TRPC5: variants seen among roughly 807,000 people sequenced by gnomAD.
TRPC5 encodes transient receptor potential cation channel subfamily C member 5.
Under a neutral mutation model 56.5 loss-of-function variants are expected in TRPC5, and 9 were observed. The observed-to-expected ratio is 0.16, with a 90% confidence interval of 0.10 to 0.28. The LOEUF is 0.28. Ranked by LOEUF, TRPC5 falls within the 10% of genes least tolerant of loss-of-function variation. The probability of loss-of-function intolerance (pLI) is 1.00; values close to 1 mark genes in which losing one functional copy is unlikely to be tolerated. For missense variants in TRPC5, 469 were observed against 748.9 expected (o/e 0.63, Z 4.36); for synonymous variants, 282 against 278.5 (o/e 1.01, Z -0.13).
At chrX:111,875,930 C>T (rs1923924256) in intron 3 of TRPC5, 1 of 107,884 alleles carries the variant, frequency 9.3e-6, no homozygotes, top group South Asian at 4.1e-4. Context: ...ATGTGTGTTT[C>T]TGACTGGGAA....
chrX:112,037,395 T>C (rs756040642), intron 1 of TRPC5, among the ~76,000 whole-genome samples: 1 of 112,096 alleles, frequency 8.9e-6, no homozygotes, highest in Non-Finnish European at 1.9e-5. Flanking sequence ...CACCAAAGAT[T>C]GGCAAAAATA....
At chrX:111,837,845 A>G (rs1439181169) in intron 6 of TRPC5, among the ~76,000 whole-genome samples, 1 of 106,518 alleles carries the variant, frequency 9.4e-6, no homozygotes, top group African/African-American at 3.5e-5. Flanking sequence ...GCAATATTGG[A>G]AGGATTACTT....
intron 3 of TRPC5, among the ~76,000 whole-genome samples, chrX:111,905,652 C>T (rs187901953): frequency 1.5e-3 from 168 of 111,727 alleles, no homozygotes; most frequent in African/African-American, 4.5e-3. Context: ...CGGTGGCTCA[C>T]GCCTGTAATC....
chrX:111,934,667 T>G (rs997683760), intron 2 of TRPC5, among the ~76,000 whole-genome samples: 4 of 111,328 alleles, frequency 3.6e-5, no homozygotes, highest in African/African-American at 9.8e-5. Flanking sequence ...TCTATCTCCA[T>G]GAATTCAATC....
Position 111,847,101 on chromosome X carries a change from G to A in TRPC5, c.1700+13C>T. 8.5e-7 allele frequency: 1 copy of A among 1,180,572 alleles called. No individual in the cohort carries two copies. The highest frequency in any genetic ancestry group is 1.1e-6 in the Non-Finnish European group (1 of 881,133). ...AAAAAAATAAATAAATAAAGGAAAG[G>A]GGATCGTCTTACGTGGAGAAGGCAT... On this transcript the variant is annotated intron_variant, in intron 6 of 10. Transcript: ENST00000262839.
At chrX:111,827,799 A>T (rs1409831881) in intron 7 of TRPC5, among the ~76,000 whole-genome samples, 1 of 111,423 alleles carries the variant, frequency 9.0e-6, no homozygotes, top group Non-Finnish European at 1.9e-5. Flanking sequence ...AAGTTAGATC[A>T]TGTACCTCTT....
chrX:111,898,677 G>A (rs945143608), intron 3 of TRPC5, among the ~76,000 whole-genome samples: 1 of 110,157 alleles, frequency 9.1e-6, no homozygotes, highest in Admixed American at 9.7e-5. Context: ...TGTATGTGGG[G>A]GTAAGGTGAG....
intron 1 of TRPC5, among the ~76,000 whole-genome samples, chrX:111,991,420 A>G (rs1569529169): frequency 8.9e-6 from 1 of 112,029 alleles, no homozygotes; most frequent in East Asian, 2.8e-4. Context: ...TTTCTCTATC[A>G]TCCTATTTCA....
At chrX:111,992,336 T>C (rs1448560947) in intron 1 of TRPC5, among the ~76,000 whole-genome samples, 1 of 111,932 alleles carries the variant, frequency 8.9e-6, no homozygotes, top group African/African-American at 3.2e-5. Flanking sequence ...TTTAAATATT[T>C]TTACTGCATT....
At chrX:111,800,645 T>G (rs896056619) in intron 7 of TRPC5, among the ~76,000 whole-genome samples, 17 of 109,619 alleles carry the variant, frequency 1.6e-4, no homozygotes, top group Admixed American at 1.4e-3. Flanking sequence ...TCCCAGCTAC[T>G]AGGGAGGCTG....
intron 3 of TRPC5, among the ~76,000 whole-genome samples, chrX:111,882,983 G>A (rs1924298392): frequency 1.8e-5 from 2 of 110,058 alleles, no homozygotes; most frequent in South Asian, 7.8e-4. Flanking sequence ...CTACTCAGGA[G>A]GCTGAGGCAG....
intron 1 of TRPC5, among the ~76,000 whole-genome samples, chrX:112,023,246 G>GTT (rs1163231468): frequency 0.018 from 1,004 of 56,751 alleles, 30 homozygotes; most frequent in Non-Finnish European, 0.024. Flanking sequence ...TTTTTTTTTT[G>GTT]TTTTTTTTTT....
intron 1 of TRPC5, among the ~76,000 whole-genome samples, chrX:111,968,980 TAAAATAAAATAAAATAAA>T (rs1389755325): frequency 3.2e-5 from 2 of 61,563 alleles, no homozygotes; most frequent in African/African-American, 2.4e-4. Flanking sequence ...TATAATAAAA[TAAAATAAAATAAAATAAA>T]ATAAAATAAA....
At chrX:112,034,164 A>C (rs189370131) in intron 1 of TRPC5, among the ~76,000 whole-genome samples, 193 of 111,757 alleles carry the variant, frequency 1.7e-3, no homozygotes, top group Non-Finnish European at 1.8e-3. Context: ...CATTTCTGCC[A>C]AAAAATGCCA....
intron 3 of TRPC5, among the ~76,000 whole-genome samples, chrX:111,860,029 C>G (rs1359799055): frequency 3.5e-5 from 4 of 112,800 alleles, no homozygotes; most frequent in South Asian, 7.3e-4. Context: ...CTGCCTCGGC[C>G]TCCCGAGTAG....
intron 3 of TRPC5, among the ~76,000 whole-genome samples, chrX:111,897,954 G>A (rs1925148357): frequency 9.0e-6 from 1 of 110,544 alleles, no homozygotes; most frequent in Non-Finnish European, 1.9e-5. Context: ...ACTGATAGAT[G>A]TTTTTCCAAA....
At chrX:111,853,648 C>T in intron 4 of TRPC5, 122 bp downstream of exon 4, 1 of 616,735 alleles carries the variant, frequency 1.6e-6, no homozygotes, top group Non-Finnish European at 2.6e-6. Context: ...AGGACTACCA[C>T]ACTGCATGGG....
At chrX:111,885,583 T>C (rs1924452218) in intron 3 of TRPC5, among the ~76,000 whole-genome samples, 1 of 110,375 alleles carries the variant, frequency 9.1e-6, no homozygotes, top group Admixed American at 9.6e-5. Context: ...TTCTTTGTCT[T>C]GGAGTTCATG....
chrX:111,899,986 G>C (rs145017453), intron 3 of TRPC5, among the ~76,000 whole-genome samples: 3,552 of 110,265 alleles, frequency 0.032, 129 homozygotes, highest in African/African-American at 0.11. Flanking sequence ...AACCCCATGT[G>C]TACTGGTAGG....
Sources: allele counts gnomAD v4.1 joint callset (sites outside exome capture counted in the v4.1 genomes callset), GRCh38; gene constraint gnomAD v4.1.1; transcripts MANE v1.5; gene names NCBI Gene and HGNC (gene_info 2026-07-23, HGNC 2026-07-21).